BRD10: variants seen among roughly 807,000 people sequenced by gnomAD.
The protein encoded by BRD10 is uncharacterized bromodomain-containing protein 10.
At chr9:5,915,351 G>A in the BRD10 span, among the ~76,000 whole-genome samples, 1 of 152,102 alleles carries the variant, frequency 6.6e-6, no homozygotes, top group Non-Finnish European at 1.5e-5. Context: ...GGTAGGCACC[G>A]GGCTAAGTAC....
At chr9:5,889,207 C>A in the BRD10 span, among the ~76,000 whole-genome samples, 2 of 152,218 alleles carry the variant, frequency 1.3e-5, no homozygotes, top group East Asian at 3.8e-4. Context: ...CAGCACCTAA[C>A]CACATGTCAC....
At chr9:5,897,783 C>G in the BRD10 span, 1 of 798,864 alleles carries the variant, frequency 1.3e-6, no homozygotes, top group Admixed American at 2.1e-5. Flanking sequence ...GCTTCTGATG[C>G]CTCTTTTGCT....
chr9:5,921,141 A>G, the BRD10 span: 14 of 1,613,814 alleles, frequency 8.7e-6, no homozygotes, highest in Non-Finnish European at 1.1e-5. Context: ...CCACTTGTTG[A>G]CAATGGCAAA....
chr9:5,939,978 T>C, the BRD10 span, among the ~76,000 whole-genome samples: 1 of 152,240 alleles, frequency 6.6e-6, no homozygotes, highest in African/African-American at 2.4e-5. Flanking sequence ...TTAGCATCTC[T>C]GATCTAAGCT....
At chr9:5,880,703 C>G in the BRD10 span, among the ~76,000 whole-genome samples, 1 of 138,776 alleles carries the variant, frequency 7.2e-6, no homozygotes, top group African/African-American at 2.7e-5. Context: ...TCCAACATTA[C>G]TTTTTTTTTT....
chr9:5,881,566 G>A, the BRD10 span: 1 of 152,134 alleles, frequency 6.6e-6, no homozygotes, highest in Non-Finnish European at 1.5e-5. Context: ...TTGCCCTCAG[G>A]AGCCCTCTGC....
the BRD10 span, among the ~76,000 whole-genome samples, chr9:5,973,968 T>A: frequency 6.6e-6 from 1 of 152,056 alleles, no homozygotes; most frequent in Non-Finnish European, 1.5e-5. Flanking sequence ...AAGGTAATGG[T>A]GATGGTGATA....
chr9:5,936,298 T>C, the BRD10 span, among the ~76,000 whole-genome samples: 1 of 152,124 alleles, frequency 6.6e-6, no homozygotes, highest in African/African-American at 2.4e-5. Flanking sequence ...GAGTTTGCAG[T>C]GAGCCAAAAT....
chr9:5,956,882 A>G, the BRD10 span, among the ~76,000 whole-genome samples: 1 of 152,152 alleles, frequency 6.6e-6, no homozygotes, highest in African/African-American at 2.4e-5. Flanking sequence ...CTGTATTTAC[A>G]GCATTTAGCA....
At chr9:5,923,286 C>G in the BRD10 span, 1 of 1,607,478 alleles carries the variant, frequency 6.2e-7, no homozygotes, top group Non-Finnish European at 8.5e-7. Context: ...ATAGGAAAAT[C>G]TATTTCTGAC....
At chr9:5,983,929 C>T in the BRD10 span, among the ~76,000 whole-genome samples, 4 of 143,454 alleles carry the variant, frequency 2.8e-5, no homozygotes, top group African/African-American at 1.0e-4. Flanking sequence ...TAGGAAAAAA[C>T]CTGTCAATAC....
At chr9:6,001,599 T>C in the BRD10 span, among the ~76,000 whole-genome samples, 30,376 of 152,194 alleles carry the variant, frequency 0.2, 3,256 homozygotes, top group Middle Eastern at 0.3. Context: ...AAGGTAATGT[T>C]TGTCATTGTA....
the BRD10 span, among the ~76,000 whole-genome samples, chr9:5,997,440 G>GT: frequency 1.8e-4 from 8 of 44,860 alleles, no homozygotes; most frequent in South Asian, 9.8e-4. Flanking sequence ...TGAAAAAATG[G>GT]GTTTTTTTTT....
At chr9:6,003,336 A>T in the BRD10 span, among the ~76,000 whole-genome samples, 5 of 152,232 alleles carry the variant, frequency 3.3e-5, no homozygotes, top group African/African-American at 9.6e-5. Flanking sequence ...TTTAAAAATC[A>T]GTTTTGGAAG....
chr9:5,934,566 A>T, the BRD10 span, among the ~76,000 whole-genome samples: 1 of 152,136 alleles, frequency 6.6e-6, no homozygotes, highest in Non-Finnish European at 1.5e-5. Context: ...AGGCTTCACC[A>T]TATTGACCAG....
the BRD10 span, among the ~76,000 whole-genome samples, chr9:5,992,933 C>A: frequency 6.6e-6 from 1 of 150,588 alleles, no homozygotes; most frequent in Non-Finnish European, 1.5e-5. Flanking sequence ...TGTGATTTTT[C>A]TTTTGCTATC....
the BRD10 span, chr9:5,921,987 C>T: frequency 6.2e-7 from 1 of 1,613,940 alleles, no homozygotes; most frequent in Non-Finnish European, 8.5e-7. Context: ...GTTGTTCCAG[C>T]TACAGGTGAA....
the BRD10 span, chr9:5,969,217 A>G: frequency 6.2e-7 from 1 of 1,613,862 alleles, no homozygotes; most frequent in South Asian, 1.1e-5. Flanking sequence ...ATAGAAAAGC[A>G]TTACACTGAG....
At chr9:5,942,048 A>AT in the BRD10 span, among the ~76,000 whole-genome samples, 1 of 152,202 alleles carries the variant, frequency 6.6e-6, no homozygotes, top group East Asian at 1.9e-4. Flanking sequence ...ATAATGGAAT[A>AT]TATCTTGTTA....
Sources: allele counts gnomAD v4.1 joint callset (sites outside exome capture counted in the v4.1 genomes callset), GRCh38; gene constraint gnomAD v4.1.1; transcripts MANE v1.5; gene names NCBI Gene and HGNC (gene_info 2026-07-23, HGNC 2026-07-21).